Variants in PTPRD observed in about 807,000 individuals in gnomAD.
PTPRD encodes protein tyrosine phosphatase receptor type D.
A neutral mutation model predicts 214.5 loss-of-function variants in PTPRD; 34 were observed. That is an observed-to-expected ratio of 0.16 (90% CI 0.12 to 0.21). The LOEUF (loss-of-function observed/expected upper bound fraction) is 0.21. PTPRD is among the 10% of genes least tolerant of loss of function. The pLI is 1.00. For missense variants in PTPRD, 2,545 were observed against 2,398.7 expected, an observed-to-expected ratio of 1.06 and a Z score of -1.27; for synonymous variants, 1,128 against 845.7, an observed-to-expected ratio of 1.33 and a Z score of -5.79.
intron 3 of PTPRD, among the ~76,000 whole-genome samples, chr9:10,049,355 G>T (rs1232473522): frequency 7.4e-6 from 1 of 135,384 alleles, no homozygotes; most frequent in Non-Finnish European, 1.5e-5. Flanking sequence ...AGCTTCTTTA[G>T]AACATACTGA....
At chr9:10,528,572 C>G (rs1339906697) in intron 2 of PTPRD, among the ~76,000 whole-genome samples, 1 of 152,142 alleles carries the variant, frequency 6.6e-6, no homozygotes, top group Non-Finnish European at 1.5e-5. Flanking sequence ...TATGTATACT[C>G]AGGGCCTAGC....
chr9:8,822,997 T>C (rs958547764), intron 11 of PTPRD, among the ~76,000 whole-genome samples: 1 of 152,140 alleles, frequency 6.6e-6, no homozygotes, highest in Non-Finnish European at 1.5e-5. Flanking sequence ...TATGAAATCT[T>C]CCAATGCTTT....
intron 2 of PTPRD, among the ~76,000 whole-genome samples, chr9:10,461,556 T>G (rs532491070): frequency 6.6e-6 from 1 of 152,066 alleles, no homozygotes; most frequent in South Asian, 2.1e-4. Context: ...TAGAGGATAC[T>G]ATGCTGGATC....
At chr9:9,094,078 T>G (rs1179463635) in intron 10 of PTPRD, among the ~76,000 whole-genome samples, 1 of 152,210 alleles carries the variant, frequency 6.6e-6, no homozygotes, top group Admixed American at 6.5e-5. Context: ...GGAATAATTC[T>G]TTTTAAGAAA....
intron 11 of PTPRD, among the ~76,000 whole-genome samples, chr9:8,849,541 C>G (rs2890833): frequency 0.21 from 31,980 of 152,060 alleles, 4,053 homozygotes; most frequent in South Asian, 0.35. Flanking sequence ...TTCTTTAGTT[C>G]AACTCAATTC....
At chr9:8,606,585 A>G (rs1160582187) in intron 14 of PTPRD, among the ~76,000 whole-genome samples, 1 of 152,212 alleles carries the variant, frequency 6.6e-6, no homozygotes, top group East Asian at 1.9e-4. Context: ...CCCAGATGCT[A>G]TTTAGGGCAC....
At chr9:9,689,839 C>A (rs1185368383) in intron 7 of PTPRD, among the ~76,000 whole-genome samples, 1 of 151,710 alleles carries the variant, frequency 6.6e-6, no homozygotes, top group Non-Finnish European at 1.5e-5. Context: ...TGGCTGAATA[C>A]CATTTCATTA....
At chr9:10,335,373 T>C (rs1351935341) in intron 3 of PTPRD, among the ~76,000 whole-genome samples, 1 of 151,726 alleles carries the variant, frequency 6.6e-6, no homozygotes, top group Admixed American at 6.6e-5. Context: ...CTGGTACAAA[T>C]AGACATTACT....
At chr9:9,723,528 G>A (rs558934505) in intron 7 of PTPRD, among the ~76,000 whole-genome samples, 119 of 151,988 alleles carry the variant, frequency 7.8e-4, no homozygotes, top group Non-Finnish European at 1.6e-3. Context: ...AATGCCATGT[G>A]AATTTTAGAA....
chr9:8,523,511 A>C lies in PTPRD; in HGVS notation c.691+2T>G. ...TGGGTAAAAAGTAAAAAACACACCA[A>C]CCTTCTCGCAGCTCTGAGGGATGTA... On this transcript the variant is annotated splice_donor_variant, in intron 19 of 45. Transcript: ENST00000381196. LOFTEE classifies it high-confidence loss of function. 1 of 1,613,236 alleles carries C rather than the reference A, an allele frequency of 6.2e-7. No individual in the cohort carries two copies. Among genetic ancestry groups the C allele is most frequent in the Middle Eastern group, 1.7e-4 (1 of 6,050 alleles).
chr9:10,316,236 A>C (rs2154423056), intron 3 of PTPRD, among the ~76,000 whole-genome samples: 1 of 150,774 alleles, frequency 6.6e-6, no homozygotes, highest in African/African-American at 2.4e-5. Flanking sequence ...GTGCACTATT[A>C]TACAAAATAT....
intron 33 of PTPRD, among the ~76,000 whole-genome samples, chr9:8,451,648 G>A (rs1007404705): frequency 6.6e-6 from 1 of 152,174 alleles, no homozygotes; most frequent in South Asian, 2.1e-4. Context: ...GTCACTGGGT[G>A]CAGCCAGCCA....
chr9:9,199,220 C>A (rs2132213001), intron 9 of PTPRD, among the ~76,000 whole-genome samples: 1 of 152,094 alleles, frequency 6.6e-6, no homozygotes, highest in East Asian at 1.9e-4. Context: ...AAGTTGATTC[C>A]TTAAGGAAGG....
chr9:9,569,636 C>T (rs1184395368), intron 8 of PTPRD, among the ~76,000 whole-genome samples: 1 of 151,372 alleles, frequency 6.6e-6, no homozygotes, highest in Non-Finnish European at 1.5e-5. Flanking sequence ...CATAGTATAT[C>T]AAAGAGGGAG....
intron 39 of PTPRD, among the ~76,000 whole-genome samples, chr9:8,352,403 TCA>T (rs2075764516): frequency 6.6e-6 from 1 of 152,202 alleles, no homozygotes; most frequent in Non-Finnish European, 1.5e-5. Context: ...ACTATATCAT[TCA>T]CACAGAGATT....
chr9:8,676,434 G>C (rs1016005013), intron 12 of PTPRD, among the ~76,000 whole-genome samples: 48 of 147,706 alleles, frequency 3.2e-4, no homozygotes, highest in African/African-American at 1.2e-3. Flanking sequence ...CCAGGCTGTG[G>C]TGCAGTGGTG....
intron 9 of PTPRD, among the ~76,000 whole-genome samples, chr9:9,278,827 GT>G (rs1946610812): frequency 1.3e-5 from 2 of 151,116 alleles, no homozygotes; most frequent in Middle Eastern, 6.8e-3. Flanking sequence ...CTAATATTGT[GT>G]TTTTTCCTCT....
chr9:9,978,977 G>C (rs1588021497), intron 4 of PTPRD, among the ~76,000 whole-genome samples: 1 of 152,038 alleles, frequency 6.6e-6, no homozygotes, highest in African/African-American at 2.4e-5. Context: ...AGAATATTCA[G>C]TCACATCTTT....
chr9:8,410,161 T>A (rs1386725022), intron 35 of PTPRD, among the ~76,000 whole-genome samples: 5 of 152,218 alleles, frequency 3.3e-5, no homozygotes, highest in Admixed American at 2.6e-4. Context: ...CACGTTTGCA[T>A]AGATGGGAAG....
Sources: allele counts gnomAD v4.1 joint callset (sites outside exome capture counted in the v4.1 genomes callset), GRCh38; gene constraint gnomAD v4.1.1; transcripts MANE v1.5; gene names NCBI Gene and HGNC (gene_info 2026-07-23, HGNC 2026-07-21).